The following DDX11 variants were observed in gnomAD, a reference collection of about 807,000 sequenced individuals.
DDX11 encodes ATP-dependent DNA helicase DDX11.
DDX11 carries 72 observed loss-of-function variants against 125.2 expected under a neutral mutation model. The ratio of observed to expected loss-of-function variants is 0.58; its 90% CI spans 0.48 to 0.70. The LOEUF is 0.70. Among genes scored for constraint, DDX11 ranks in the 30% least tolerant of loss-of-function variants. The probability of loss-of-function intolerance (pLI) is 0.00; values close to 1 mark genes in which losing one functional copy is unlikely to be tolerated. For synonymous variants in DDX11, 347 were observed against 452.6 expected, an observed-to-expected ratio of 0.77 and a Z score of 2.96; for missense variants, 883 against 1,165.0, an observed-to-expected ratio of 0.76 and a Z score of 3.52.
At chr12:31,097,223 G>A (rs942701962) in intron 17 of DDX11, among the ~76,000 whole-genome samples, 2 of 151,572 alleles carry the variant, frequency 1.3e-5, no homozygotes, top group African/African-American at 2.4e-5. Flanking sequence ...GGAGGTGGAC[G>A]GGAGGAGATC....
In DDX11 at chr12:31,084,985, A is replaced by T; in HGVS notation, c.497A>T (p.Glu166Val). The T allele has an allele frequency of 6.2e-7, 1 of 1,608,932 alleles. No homozygotes were observed. The highest frequency in any genetic ancestry group is 8.5e-7 in the Non-Finnish European group (1 of 1,177,446). ...AAKRLRQEEEERENLLRLSRE... is the reference protein window; with the variant it reads ...AAKRLRQEEEVRENLLRLSRE... ...CCTGTCCAGAGGCAGGAAGAAGAAG[A>T]AAGAGAGAATCTCCTCCGCCTCAGC... The change falls in exon 5 of 27, where the codon GAA becomes GTA. Residue 166 changes from glutamate to valine, a missense_variant. Around this residue, in one of 5 missense-constraint regions of DDX11, gnomAD observed 283 missense variants for 359.6 expected, o/e 0.79. Transcript: ENST00000542838.
At chr12:31,082,709 T>C (rs1942218947) in intron 2 of DDX11, among the ~76,000 whole-genome samples, 2 of 151,870 alleles carry the variant, frequency 1.3e-5, no homozygotes, top group Admixed American at 1.3e-4. Flanking sequence ...AAGAACTGTA[T>C]TGGTTCCCTG....
chr12:31,093,332 C>T lies in DDX11; in HGVS notation c.1369+8C>T, dbSNP rs200992641. 427 of 1,613,670 alleles carry T rather than the reference C, an allele frequency of 2.6e-4. 2 individuals carry two copies. The highest frequency in any genetic ancestry group is 5.0e-5 in the Admixed American group (3 of 59,982). On this transcript the variant is annotated splice_region_variant and intron_variant, in intron 12 of 26. Transcript: ENST00000542838. ...TCGTGGCTGTGCTAGGGGGTGAGAG[C>T]CTCGTCCCCCTGCTGACCCCGGGCC... is the stretch of plus-strand genomic sequence containing the variant.
Position 31,084,062 on chromosome 12 carries a change from G to A in DDX11, c.393+1G>A. On this transcript the variant is annotated splice_donor_variant, in intron 3 of 26. Coordinates refer to ENST00000542838, the MANE Select transcript of DDX11 (RefSeq NM_030653.4). LOFTEE classifies it high-confidence loss of function. ...GAGGGACCTGGTGGACCGACTAAAG[G>A]TGAGACCTGGGGTATCCGGAAGTGG... 2.5e-6 allele frequency: 4 copies of A among 1,613,892 alleles called. No individual in the cohort carries two copies. Among genetic ancestry groups the A allele is most frequent in the South Asian group, 1.1e-5 (1 of 91,012 alleles).
rs1331516600 is a variant in DDX11 at position 31,102,989 on chromosome 12, A to C, written c.2426A>C (p.Gln809Pro). The change falls in exon 24 of 27, where the codon CAG (glutamine) becomes CCG (proline). Residue 809 changes from glutamine (Q) to proline (P), a missense_variant. Physicochemically the swap from Gln to Pro is moderately conservative, Grantham distance 76 (BLOSUM62 -1). This residue lies in a region of DDX11 where 285 missense variants were observed against 346.0 expected (regional missense o/e 0.82). Coordinates refer to ENST00000542838, the MANE Select transcript of DDX11 (RefSeq NM_030653.4). The stretch of plus-strand genomic sequence containing the variant: ...CCCAACATCAGGTCTGCAGAGCTGC[A>C]GGAGAAGATGGCCTACTTGGATCAA... ...PFPNIRSAEL[Q>P]EKMAYLDQTL... 6.2e-7 allele frequency: 1 copy of C among 1,613,916 alleles called. No individual in the cohort carries two copies. Among genetic ancestry groups the C allele is most frequent in the South Asian group, 1.1e-5 (1 of 91,076 alleles).
intron 9 of DDX11, chr12:31,091,516 G>C: frequency 1.7e-6 from 1 of 586,854 alleles, no homozygotes; most frequent in Non-Finnish European, 3.0e-6. Context: ...AGTCAGACCA[G>C]CCCTAGTTTC....
At position 31,096,745 on chromosome 12, in the gene DDX11, G is replaced by A. The variant is rs775843579; in HGVS notation, c.1630G>A (p.Ala544Thr). 3.7e-6 allele frequency: 6 copies of A among 1,614,090 alleles called. No individual in the cohort carries two copies. Among genetic ancestry groups the A allele is most frequent in the Non-Finnish European group, 5.1e-6 (6 of 1,180,050 alleles). Residue 544 changes from alanine to threonine, a missense_variant and splice_region_variant, in exon 16 of 27, where the codon GCT (alanine) becomes ACT (threonine). Ala to Thr is a moderately conservative substitution (Grantham distance 58). Transcript: ENST00000542838. ...GAGCCTGCAGCCCAGGACGACTGAAGGTGAGGCAGGAGGGTGGGCAGGCAG... is the reference window on the plus strand; with the variant it reads ...GAGCCTGCAGCCCAGGACGACTGAAAGTGAGGCAGGAGGGTGGGCAGGCAG... ...LQSLQPRTTE[A>T]LAAPADESQA...
chr12:31,101,828 C>A lies in DDX11; in HGVS notation c.2053-5C>A. On this transcript the variant is annotated splice_polypyrimidine_tract_variant and splice_region_variant and intron_variant, in intron 20 of 26. Coordinates refer to ENST00000542838, the MANE Select transcript of DDX11 (RefSeq NM_030653.4). ...GCTCCCTCCCTCCCTCCTTTCCTTCCTTAGATGGACGAGGTGGGTCGCATT... is the reference window on the plus strand; with the variant it reads ...GCTCCCTCCCTCCCTCCTTTCCTTCATTAGATGGACGAGGTGGGTCGCATT... 6.2e-7 allele frequency: 1 copy of A among 1,613,924 alleles called. No individual in the cohort carries two copies. The highest frequency in any genetic ancestry group is 8.5e-7 in the Non-Finnish European group (1 of 1,179,832).
chr12:31,078,934 G>A (rs543457415), intron 2 of DDX11, among the ~76,000 whole-genome samples: 27 of 152,182 alleles, frequency 1.8e-4, no homozygotes, highest in African/African-American at 5.5e-4. Flanking sequence ...TGATCCGCCC[G>A]CTTCGGCCTC....
At chr12:31,086,027 C>T (rs530550771) in intron 5 of DDX11, 15 of 454,374 alleles carry the variant, frequency 3.3e-5, no homozygotes, top group African/African-American at 6.0e-5. Context: ...GTCTGCAGGG[C>T]GCCTTCTGAT....
intron 11 of DDX11, 62 bp downstream of exon 11, chr12:31,092,954 G>C (rs1350560928): frequency 1.3e-6 from 2 of 1,593,680 alleles, no homozygotes; most frequent in Admixed American, 3.3e-5. Context: ...GTGGGCCTCT[G>C]AGAGGCAGGC....
chr12:31,096,727 C>A lies in DDX11; in HGVS notation c.1612C>A (p.Gln538Lys). 6.2e-7 allele frequency: 1 copy of A among 1,614,182 alleles called. No individual in the cohort carries two copies. The highest frequency in any genetic ancestry group is 8.5e-7 in the Non-Finnish European group (1 of 1,180,028). The change falls in exon 16 of 27, where the codon CAG becomes AAG. Residue 538 changes from glutamine (Q) to lysine (K), a missense_variant. Gln to Lys is a moderately conservative substitution (Grantham distance 53). This residue lies in a region of DDX11 where 241 missense variants were observed against 279.7 expected (regional missense o/e 0.86). Coordinates refer to ENST00000542838, the MANE Select transcript of DDX11 (RefSeq NM_030653.4). ...GTTTCAGCAATTCCTGCAGAGCCTGCAGCCCAGGACGACTGAAGGTGAGGC... is the reference window on the plus strand; with the variant it reads ...GTTTCAGCAATTCCTGCAGAGCCTGAAGCCCAGGACGACTGAAGGTGAGGC... ...AGFQQFLQSL[Q>K]PRTTEALAAP...
At position 31,091,894 on chromosome 12, in the gene DDX11, G is replaced by T. The variant is rs749849341; in HGVS notation, c.1242+23G>T. Reference sequence around the variant, plus strand: ...CAGGTGTGTGGGCCTCCCCTCCCCGGGCCAGGGCCTGCTGTGACGTAAAGG... The same window carrying T: ...CAGGTGTGTGGGCCTCCCCTCCCCGTGCCAGGGCCTGCTGTGACGTAAAGG... On this transcript the variant is annotated intron_variant, in intron 10 of 26. Coordinates refer to ENST00000542838, the MANE Select transcript of DDX11 (RefSeq NM_030653.4). 2.5e-6 allele frequency: 4 copies of T among 1,613,768 alleles called. No individual in the cohort carries two copies. In the South Asian group the frequency reaches 4.4e-5, roughly 18 times the overall value.
chr12:31,088,063 C>T lies in DDX11; in HGVS notation c.684+80C>T, dbSNP rs564337957. 1.1e-4 allele frequency: 171 copies of T among 1,576,708 alleles called. 1 individual carries two copies. In the South Asian group the frequency reaches 1.6e-3, roughly 15 times the overall value. On this transcript the variant is annotated intron_variant, in intron 6 of 26. Coordinates refer to ENST00000542838, the MANE Select transcript of DDX11 (RefSeq NM_030653.4). ...ACCCCTGGGGAGGAGGCTGGAGTCACTTGGCTACTTCTCACCCTCCTCTCC... is the reference window on the plus strand; with the variant it reads ...ACCCCTGGGGAGGAGGCTGGAGTCATTTGGCTACTTCTCACCCTCCTCTCC...
In DDX11 at chr12:31,096,811, T is replaced by C. The variant is rs758308408; in HGVS notation, c.1631-48T>C. On this transcript the variant is annotated intron_variant, in intron 16 of 26. Transcript: ENST00000542838. ...TGGGCAAGGACTTCTGTTCCTCATG[T>C]GTGGACCTGACCAGAGGGAGGCCTC... 7 of 1,614,076 alleles carry C rather than the reference T, an allele frequency of 4.3e-6. No individual in the cohort carries two copies. The Middle Eastern group carries it at 4.9e-4, about 114-fold the overall frequency.
rs1268798257 is a variant in DDX11, at chr12:31,104,032, G to A, written c.*196G>A. ...AGGAGAAAATGGGGGAATCCTGAAT[G>A]AACAGTGGGTCCTGGCTGTCCTTGG... is the stretch of plus-strand genomic sequence containing the variant. On this transcript the variant is annotated 3_prime_UTR_variant, in exon 27 of 27. Coordinates refer to ENST00000542838, the MANE Select transcript of DDX11 (RefSeq NM_030653.4). The A allele has an allele frequency of 1.3e-6, 2 of 1,551,204 alleles. No individual in the cohort carries two copies.
intron 1 of DDX11, among the ~76,000 whole-genome samples, chr12:31,075,091 T>C (rs1274372891): frequency 6.6e-6 from 1 of 152,352 alleles, no homozygotes; most frequent in Non-Finnish European, 1.5e-5. Context: ...TGAGCTTTGC[T>C]GTCCTGGTGT....
rs1946562283 is a variant in DDX11 at position 31,102,457 on chromosome 12, G to A, written c.2302G>A (p.Gly768Arg). ...ACGQERGQVT[G>R]ALLLSVVGGK... is the part of the protein sequence containing the mutation. Reference sequence around the variant, plus strand: ...TGGCCAGGAGAGAGGCCAGGTGACAGGGGCCCTGCTCCTCTCTGTGGTTGG... The same window carrying A: ...TGGCCAGGAGAGAGGCCAGGTGACAAGGGCCCTGCTCCTCTCTGTGGTTGG... The change falls in exon 23 of 27, where the codon GGG becomes AGG. Residue 768 changes from glycine (G) to arginine (R), a missense_variant. Coordinates refer to ENST00000542838, the MANE Select transcript of DDX11 (RefSeq NM_030653.4). 5 of 1,613,976 alleles carry A rather than the reference G, an allele frequency of 3.1e-6. No individual in the cohort carries two copies. In the Admixed American group the frequency reaches 6.7e-5, roughly 22 times the overall value.
intron 9 of DDX11, among the ~76,000 whole-genome samples, 162 bp downstream of exon 9, chr12:31,090,256 C>T (rs1465148297): frequency 6.9e-6 from 1 of 145,582 alleles, no homozygotes; most frequent in African/African-American, 2.6e-5. Context: ...GGAGGAGGCG[C>T]GTGGGATCCC....
Sources: allele counts gnomAD v4.1 joint callset (sites outside exome capture counted in the v4.1 genomes callset), GRCh38; gene constraint gnomAD v4.1.1; regional missense constraint gnomAD v4.1.1; transcripts MANE v1.5; gene names NCBI Gene and HGNC (gene_info 2026-07-23, HGNC 2026-07-21).